The following MMP26 variants were observed in gnomAD, a reference collection of about 807,000 sequenced individuals.
MMP26 encodes matrix metalloproteinase-26.
In MMP26, 33 loss-of-function variants were observed where a neutral mutation model predicts 31.0. That is an observed-to-expected ratio of 1.06 (90% confidence interval 0.81 to 1.42). The LOEUF is 1.42. MMP26 is among the 40% of genes most tolerant of loss of function. The pLI is 0.00. For synonymous variants in MMP26, 122 were observed against 114.9 expected, an observed-to-expected ratio of 1.06 and a Z score of -0.40; for missense variants, 347 against 316.1, an observed-to-expected ratio of 1.10 and a Z score of -0.74.
chr11:4,915,109 G>A (rs1260954212), intron 2 of MMP26: 1 of 1,613,982 alleles, frequency 6.2e-7, no homozygotes, highest in Middle Eastern at 1.6e-4. Flanking sequence ...CTTCTTGGTG[G>A]AGACAATAAG....
At chr11:4,899,029 C>T (rs1443159363) in intron 2 of MMP26, among the ~76,000 whole-genome samples, 1 of 152,090 alleles carries the variant, frequency 6.6e-6, no homozygotes, top group African/African-American at 2.4e-5. Context: ...TAAATTGAAG[C>T]AAAGTCTCTG....
At chr11:4,944,063 T>C (rs570616157) in intron 2 of MMP26, 4 of 441,592 alleles carry the variant, frequency 9.1e-6, no homozygotes, top group African/African-American at 8.1e-5. Context: ...ATATGTCAAC[T>C]ACTGCTTGGT....
At chr11:4,910,407 T>C (rs558266922) in intron 2 of MMP26, among the ~76,000 whole-genome samples, 19 of 152,282 alleles carry the variant, frequency 1.2e-4, no homozygotes, top group African/African-American at 4.3e-4. Context: ...TCATTTTCTA[T>C]GTAAAGTAAT....
At chr11:4,910,712 T>A (rs1850977753) in intron 2 of MMP26, among the ~76,000 whole-genome samples, 1 of 152,184 alleles carries the variant, frequency 6.6e-6, no homozygotes, top group Non-Finnish European at 1.5e-5. Flanking sequence ...CTCCATAGGA[T>A]ACATATGTCT....
chr11:4,749,270 AG>A (rs2133299290), intron 1 of MMP26, among the ~76,000 whole-genome samples: 1 of 152,128 alleles, frequency 6.6e-6, no homozygotes, highest in African/African-American at 2.4e-5. Flanking sequence ...CAAAATGCTG[AG>A]GAAAAAAATG....
intron 2 of MMP26, among the ~76,000 whole-genome samples, chr11:4,934,906 G>C (rs1589943940): frequency 6.6e-6 from 1 of 151,404 alleles, no homozygotes; most frequent in African/African-American, 2.4e-5. Flanking sequence ...CGTTATTTCT[G>C]AGGGCTCCGT....
chr11:4,966,593 G>A (rs984722924), intron 2 of MMP26, among the ~76,000 whole-genome samples: 2 of 152,154 alleles, frequency 1.3e-5, no homozygotes, highest in African/African-American at 4.8e-5. Flanking sequence ...AGTAGAACTT[G>A]GTCAAGGTGA....
intron 2 of MMP26, among the ~76,000 whole-genome samples, chr11:4,772,277 A>G (rs1848735775): frequency 6.6e-6 from 1 of 152,244 alleles, no homozygotes; most frequent in African/African-American, 2.4e-5. Flanking sequence ...TAGAAAATTT[A>G]CACACTGTTC....
intron 1 of MMP26, chr11:4,723,169 C>A: frequency 3.1e-6 from 5 of 1,596,980 alleles, no homozygotes; most frequent in Non-Finnish European, 4.3e-6. Context: ...CCCCACGCTG[C>A]TCGGCATCTG....
chr11:4,727,273 A>T (rs982230925), intron 1 of MMP26, among the ~76,000 whole-genome samples: 3 of 152,202 alleles, frequency 2.0e-5, no homozygotes, highest in African/African-American at 7.2e-5. Flanking sequence ...TACGTTATAA[A>T]AGACAATCAG....
intron 2 of MMP26, among the ~76,000 whole-genome samples, chr11:4,986,956 T>TCTTTCC (rs1846908190): frequency 4.3e-5 from 6 of 140,364 alleles, no homozygotes; most frequent in African/African-American, 1.7e-4. Flanking sequence ...TCTCTCTCTC[T>TCTTTCC]CTCCCTCTCT....
chr11:4,909,825 T>C (rs1318083436), intron 2 of MMP26, among the ~76,000 whole-genome samples: 1 of 152,174 alleles, frequency 6.6e-6, no homozygotes, highest in Non-Finnish European at 1.5e-5. Context: ...GCTCTGTATA[T>C]GCACAAGGCC....
At chr11:4,802,558 C>G (rs1849197810) in intron 2 of MMP26, among the ~76,000 whole-genome samples, 1 of 152,136 alleles carries the variant, frequency 6.6e-6, no homozygotes, top group Middle Eastern at 3.4e-3. Flanking sequence ...CAAAAGCCAT[C>G]TTGTGATAAG....
intron 2 of MMP26, among the ~76,000 whole-genome samples, chr11:4,957,773 G>C (rs531547272): frequency 2.2e-4 from 34 of 151,778 alleles, no homozygotes; most frequent in Admixed American, 7.2e-4. Context: ...CCATCTCCTA[G>C]GTTCAAGCGA....
chr11:4,743,188 C>T (rs747244863), intron 1 of MMP26, among the ~76,000 whole-genome samples: 16 of 152,258 alleles, frequency 1.1e-4, no homozygotes, highest in Middle Eastern at 3.4e-3. Flanking sequence ...CAGCTGTATA[C>T]TGTCACTGTC....
chr11:4,892,031 A>G (rs1336644884), intron 2 of MMP26, among the ~76,000 whole-genome samples: 1 of 152,124 alleles, frequency 6.6e-6, no homozygotes, highest in Non-Finnish European at 1.5e-5. Flanking sequence ...TGCAAGACAT[A>G]TAAAGCATAT....
chr11:4,770,824 A>G (rs551048850), intron 2 of MMP26, among the ~76,000 whole-genome samples: 1 of 152,142 alleles, frequency 6.6e-6, no homozygotes, highest in South Asian at 2.1e-4. Context: ...GCCTGGTGAC[A>G]GTGAGAGACT....
intron 2 of MMP26, among the ~76,000 whole-genome samples, chr11:4,831,082 T>G (rs755955845): frequency 6.6e-6 from 1 of 152,188 alleles, no homozygotes; most frequent in Non-Finnish European, 1.5e-5. Flanking sequence ...TTTTGCAGCA[T>G]ACAGAGTAGC....
intron 2 of MMP26, among the ~76,000 whole-genome samples, chr11:4,898,569 T>C (rs1475172220): frequency 1.3e-5 from 2 of 152,150 alleles, no homozygotes; most frequent in Non-Finnish European, 1.5e-5. Flanking sequence ...TTAATGTATT[T>C]AATATCTTTC....
Sources: gnomAD v4.1 joint callset for allele counts (sites outside exome capture counted in the v4.1 genomes callset) on GRCh38, gnomAD v4.1.1 for gene constraint, MANE v1.5 for transcripts, NCBI Gene and HGNC (gene_info 2026-07-23, HGNC 2026-07-21) for gene names.